The following ARHGEF33 variants were observed in gnomAD, a reference collection of about 807,000 sequenced individuals.
The protein encoded by ARHGEF33 is DH and coiled-coil domain-containing protein ENSP00000381780.
A neutral mutation model predicts 101.9 loss-of-function variants in ARHGEF33; 72 were observed. The ratio of observed to expected loss-of-function variants is 0.71; its 90% CI spans 0.58 to 0.86. The LOEUF (loss-of-function observed/expected upper bound fraction) is 0.86, where lower values mean the gene tolerates loss of function less well. Among genes scored for constraint, ARHGEF33 ranks in the 40% least tolerant of loss-of-function variants. ARHGEF33 has a pLI of 0.00. For synonymous variants in ARHGEF33, 499 were observed against 442.5 expected (o/e 1.13, Z -1.60); for missense variants, 1,169 against 1,111.3 (o/e 1.05, Z -0.74).
At chr2:38,901,254 T>C (rs1666231046) in intron 2 of ARHGEF33, among the ~76,000 whole-genome samples, 1 of 152,208 alleles carries the variant, frequency 6.6e-6, no homozygotes, top group African/African-American at 2.4e-5. Flanking sequence ...TCCTGATAAA[T>C]CTAGTTTTCT....
chr2:38,937,495 C>T lies in ARHGEF33; in HGVS notation c.726C>T (p.Leu242=), dbSNP rs2124393463. 1 of 1,551,068 alleles carries T rather than the reference C, an allele frequency of 6.4e-7. No homozygotes were observed. Among genetic ancestry groups the T allele is most frequent in the South Asian group, 1.2e-5 (1 of 84,020 alleles). ...EYVTKDHPDK[L]KEAGQGRHSS... ...TCACAAAAGACCACCCAGATAAACTCAAGGAGGCTGGCCAGGGTAGACACA... is the reference window on the plus strand; with the variant it reads ...TCACAAAAGACCACCCAGATAAACTTAAGGAGGCTGGCCAGGGTAGACACA... The change falls in exon 9 of 18, where the codon CTC becomes CTT. Residue 242 remains leucine (L), a synonymous_variant. Transcript: ENST00000409978.
chr2:38,960,412 A>T lies in ARHGEF33; in HGVS notation c.2107A>T (p.Lys703Ter). Reference sequence around the variant, plus strand: ...GGCGGCGCAGGCGCACGGCAAGGCCAAGCCGCTGAGCCGCTCTCTCAAAGA... The same window carrying T: ...GGCGGCGCAGGCGCACGGCAAGGCCTAGCCGCTGAGCCGCTCTCTCAAAGA... ...EAAAQAHGKAKPLSRSLKEFP... is the reference protein window; with the variant it reads ...EAAAQAHGKA The change falls in exon 16 of 18, where the codon AAG (lysine) becomes TAG (stop). Residue 703 changes from lysine (K) to a stop codon, truncating the protein, a stop_gained. Coordinates refer to ENST00000409978, the MANE Select transcript of ARHGEF33 (RefSeq NM_001145451.5). LOFTEE classifies it high-confidence loss of function. 1 of 1,514,254 alleles carries T rather than the reference A, an allele frequency of 6.6e-7. No individual in the cohort carries two copies. Among genetic ancestry groups the T allele is most frequent in the Non-Finnish European group, 8.8e-7 (1 of 1,137,340 alleles). 93.8% of individuals were successfully genotyped at this position (1,514,254 alleles called of 1,614,324 possible).
intron 15 of ARHGEF33, chr2:38,959,501 G>A (rs1181979154): frequency 4.4e-6 from 1 of 227,270 alleles, no homozygotes; most frequent in Non-Finnish European, 8.6e-6. Context: ...GACTCTGCTA[G>A]GGCAAGCAAG....
At chr2:38,942,452 G>A (rs1473485357) in intron 9 of ARHGEF33, among the ~76,000 whole-genome samples, 3 of 139,956 alleles carry the variant, frequency 2.1e-5, no homozygotes, top group Admixed American at 7.4e-5. Flanking sequence ...GAGCCACCAC[G>A]CCCAGCCCCT....
chr2:38,899,796 C>A (rs973773567), intron 2 of ARHGEF33, among the ~76,000 whole-genome samples: 5 of 152,062 alleles, frequency 3.3e-5, no homozygotes, highest in African/African-American at 1.2e-4. Context: ...TATATCATAA[C>A]ATTGCACTAC....
chr2:38,892,650 C>T (rs1179576563), intron 1 of ARHGEF33, among the ~76,000 whole-genome samples: 1 of 152,190 alleles, frequency 6.6e-6, no homozygotes, highest in Admixed American at 6.5e-5. Flanking sequence ...ATAGCATATT[C>T]AGCCTCCTTT....
chr2:38,972,316 G>C (rs1391053855), intron 17 of ARHGEF33, among the ~76,000 whole-genome samples: 1 of 152,118 alleles, frequency 6.6e-6, no homozygotes, highest in East Asian at 1.9e-4. Context: ...TTTTAGGGTG[G>C]GCCATGTGGA....
chr2:38,964,026 G>A (rs1668002023), intron 16 of ARHGEF33, among the ~76,000 whole-genome samples: 1 of 152,146 alleles, frequency 6.6e-6, no homozygotes, highest in African/African-American at 2.4e-5. Flanking sequence ...TAGGATCAGT[G>A]GGAGCCCTGA....
At chr2:38,970,568 A>G (rs1668145311) in intron 17 of ARHGEF33, among the ~76,000 whole-genome samples, 1 of 152,212 alleles carries the variant, frequency 6.6e-6, no homozygotes, top group East Asian at 1.9e-4. Context: ...CTTAATTACA[A>G]ATGTTTCTCA....
intron 2 of ARHGEF33, among the ~76,000 whole-genome samples, chr2:38,905,031 T>C (rs1240610034): frequency 6.6e-6 from 1 of 152,154 alleles, no homozygotes; most frequent in Non-Finnish European, 1.5e-5. Flanking sequence ...GTGGTGCTAG[T>C]GGCAGAGCTA....
intron 9 of ARHGEF33, among the ~76,000 whole-genome samples, chr2:38,942,133 C>G (rs1316505572): frequency 2.8e-5 from 4 of 141,350 alleles, no homozygotes; most frequent in Non-Finnish European, 6.2e-5. Flanking sequence ...ATCTTTTGCT[C>G]TTCTATTTTT....
chr2:38,956,825 G>C, intron 13 of ARHGEF33, 74 bp from the exon 14 acceptor site: 1 of 1,477,680 alleles, frequency 6.8e-7, no homozygotes, highest in Non-Finnish European at 9.2e-7. Flanking sequence ...AATAGATCAA[G>C]GTGAGGTGCA....
At chr2:38,931,307 A>G (rs1380142033) in intron 7 of ARHGEF33, 56 bp downstream of exon 7, 3 of 1,431,002 alleles carry the variant, frequency 2.1e-6, no homozygotes, top group East Asian at 2.5e-5. Context: ...AATTCCCCCA[A>G]TTAAGAATGG....
intron 1 of ARHGEF33, among the ~76,000 whole-genome samples, chr2:38,893,157 C>CTTTTTTTTTTTTT (rs11302987): frequency 8.2e-6 from 1 of 122,302 alleles, no homozygotes. Flanking sequence ...TCTGGTAATC[C>CTTTTTTTTTTTTT]TTTTTTTTTT....
In ARHGEF33 at chr2:38,911,959, G is replaced by C. The variant is rs116218535; in HGVS notation, c.-85-7404G>C. Among the ~76,000 whole-genome samples, 507 of 152,296 alleles carry C rather than the reference G, an allele frequency of 3.3e-3. 2 individuals carry two copies. Among genetic ancestry groups the C allele is most frequent in the African/African-American group, 0.012 (489 of 41,570 alleles). On this transcript the variant is annotated intron_variant, in intron 2 of 17. Transcript: ENST00000409978. ...AAGAACAGAGAGGCTCTGGTTGAAGGGGGTAAAAAGGGGGACCCAGAACCC... is the reference window on the plus strand; with the variant it reads ...AAGAACAGAGAGGCTCTGGTTGAAGCGGGTAAAAAGGGGGACCCAGAACCC...
chr2:38,942,722 C>T (rs1667345686), intron 9 of ARHGEF33, among the ~76,000 whole-genome samples: 1 of 151,948 alleles, frequency 6.6e-6, no homozygotes, highest in Non-Finnish European at 1.5e-5. Flanking sequence ...GGTCCCCCCT[C>T]CTTATAAAAA....
chr2:38,960,574 C>A lies in ARHGEF33; in HGVS notation c.2269C>A (p.Arg757Ser). ...CCCGGCCGCCGCCGCCGTCGCCGCC[C>A]GCGGCGCATCCAGGACCTTCTTCCC... ...HGPAAAAVAARGASRTFFPQQ... is the reference protein window; with the variant it reads ...HGPAAAAVAASGASRTFFPQQ... The change falls in exon 16 of 18, where the codon CGC becomes AGC. Residue 757 changes from arginine to serine, a missense_variant. Physicochemically the swap from Arg to Ser is moderately radical, Grantham distance 110. Transcript: ENST00000409978. 7.7e-7 allele frequency: 1 copy of A among 1,291,896 alleles called. No individual in the cohort carries two copies. 80.0% of individuals were successfully genotyped at this position (1,291,896 alleles called of 1,614,324 possible). A position where few individuals can be genotyped will look rare whatever the true frequency, so the allele number is the denominator to read the frequency against.
intron 3 of ARHGEF33, 63 bp downstream of exon 3, chr2:38,919,535 G>A: frequency 6.7e-7 from 1 of 1,484,282 alleles, no homozygotes; most frequent in African/African-American, 1.4e-5. Context: ...TTTTTGTCTT[G>A]TCTTACCACT....
At chr2:38,890,850 A>G (rs1359545063) in intron 1 of ARHGEF33, among the ~76,000 whole-genome samples, 1 of 152,088 alleles carries the variant, frequency 6.6e-6, no homozygotes, top group Non-Finnish European at 1.5e-5. Flanking sequence ...TATTCTAAAC[A>G]TTTTTCACAA....
Sources: gnomAD v4.1 joint callset for allele counts (sites outside exome capture counted in the v4.1 genomes callset) on GRCh38, gnomAD v4.1.1 for gene constraint, MANE v1.5 for transcripts, NCBI Gene and HGNC (gene_info 2026-07-23, HGNC 2026-07-21) for gene names.